The following ZBTB20 variants were observed in gnomAD, a reference collection of about 807,000 sequenced individuals.
ZBTB20 encodes zinc finger and BTB domain containing 20, also known as zinc finger and BTB domain-containing protein 20.
A neutral mutation model predicts 56.9 loss-of-function variants in ZBTB20; 9 were observed. That is an observed-to-expected ratio of 0.16 (90% CI 0.10 to 0.28). The LOEUF (loss-of-function observed/expected upper bound fraction) is 0.28. Ranked by LOEUF, ZBTB20 falls within the 10% of genes least tolerant of loss-of-function variation. ZBTB20 has a pLI of 1.00. For missense variants in ZBTB20, 655 were observed against 1,003.0 expected (o/e 0.65, Z 4.69); for synonymous variants, 417 against 420.7 (o/e 0.99, Z 0.11).
At chr3:114,460,346 T>TCAA (rs2092274624) in intron 7 of ZBTB20, among the ~76,000 whole-genome samples, 1 of 152,090 alleles carries the variant, frequency 6.6e-6, no homozygotes, top group African/African-American at 2.4e-5. Context: ...AATGTTACCT[T>TCAA]ACGTGGCAAA....
Position 114,339,507 on chromosome 3 carries a change from A to T in ZBTB20, c.1805-81T>A. 1 of 1,424,374 alleles carries T rather than the reference A, an allele frequency of 7.0e-7. No homozygotes were observed. Among genetic ancestry groups the T allele is most frequent in the Non-Finnish European group, 9.4e-7 (1 of 1,062,732 alleles). 88.2% of individuals were successfully genotyped at this position (1,424,374 alleles called of 1,614,324 possible). A position where few individuals can be genotyped will look rare whatever the true frequency, so the allele number is the denominator to read the frequency against. ...GAGAATGAAGGACAGGAAAAACAAGACAACAAAAAAGAAAAATAAAACAAT... is the reference window on the plus strand; with the variant it reads ...GAGAATGAAGGACAGGAAAAACAAGTCAACAAAAAAGAAAAATAAAACAAT... On this transcript the variant is annotated intron_variant, in intron 11 of 11. Coordinates refer to ENST00000675478, the MANE Select transcript of ZBTB20 (RefSeq NM_001348800.3). This position sits in a 1 kb window ranked among gnomAD's most constrained non-coding sequence, Gnocchi z 4.2.
At chr3:114,411,708 G>T (rs2087971809) in intron 7 of ZBTB20, among the ~76,000 whole-genome samples, 1 of 152,024 alleles carries the variant, frequency 6.6e-6, no homozygotes, top group Admixed American at 6.6e-5. Context: ...GATCATTCAG[G>T]GATTCTTCCC....
At chr3:114,795,629 G>A (rs887593308) in intron 5 of ZBTB20, among the ~76,000 whole-genome samples, 1 of 152,026 alleles carries the variant, frequency 6.6e-6, no homozygotes, top group African/African-American at 2.4e-5. Flanking sequence ...CACTCTCTCT[G>A]AGAATTCTGT....
intron 7 of ZBTB20, among the ~76,000 whole-genome samples, chr3:114,493,873 C>T (rs2043004520): frequency 1.3e-5 from 2 of 152,166 alleles, no homozygotes; most frequent in Non-Finnish European, 2.9e-5. Context: ...AGGAGAGAGA[C>T]TATGTTAATA....
intron 6 of ZBTB20, among the ~76,000 whole-genome samples, chr3:114,596,508 G>C (rs2056328112): frequency 6.6e-6 from 1 of 152,170 alleles, no homozygotes. Flanking sequence ...GTTGTGAAAG[G>C]ATTTGACATG....
chr3:114,584,899 A>G (rs1417604277), intron 6 of ZBTB20, among the ~76,000 whole-genome samples: 1 of 152,150 alleles, frequency 6.6e-6, no homozygotes, highest in Non-Finnish European at 1.5e-5. Context: ...GAAAGAATAC[A>G]AGGCAGCTGA....
intron 1 of ZBTB20, among the ~76,000 whole-genome samples, chr3:115,106,433 C>A (rs1450288277): frequency 6.6e-6 from 1 of 151,498 alleles, no homozygotes; most frequent in Non-Finnish European, 1.5e-5. Flanking sequence ...CGGGGTTTCA[C>A]CATGTTAGCC....
At chr3:114,553,108 G>A (rs2050779062) in intron 6 of ZBTB20, among the ~76,000 whole-genome samples, 1 of 151,964 alleles carries the variant, frequency 6.6e-6, no homozygotes, top group African/African-American at 2.4e-5. Context: ...TGTTTAACTG[G>A]GCTTTTAGAT....
chr3:114,537,037 T>C (rs745542567), intron 6 of ZBTB20, among the ~76,000 whole-genome samples: 11 of 152,090 alleles, frequency 7.2e-5, no homozygotes, highest in Admixed American at 4.6e-4. Flanking sequence ...ATAAAAACCC[T>C]AGAAGAAAAC....
chr3:114,618,001 A>G (rs2058051761), intron 6 of ZBTB20, among the ~76,000 whole-genome samples: 1 of 151,674 alleles, frequency 6.6e-6, no homozygotes. Context: ...AAAATGCCAC[A>G]TATTTTACAT....
At chr3:114,401,727 C>G (rs548923882) in intron 7 of ZBTB20, among the ~76,000 whole-genome samples, 1 of 152,170 alleles carries the variant, frequency 6.6e-6, no homozygotes, top group South Asian at 2.1e-4. Context: ...CCCCACTCAG[C>G]TACCCATTAA....
intron 4 of ZBTB20, among the ~76,000 whole-genome samples, chr3:114,840,259 C>T (rs1031425587): frequency 6.6e-6 from 1 of 152,184 alleles, no homozygotes; most frequent in African/African-American, 2.4e-5. Flanking sequence ...ACTCAATTAA[C>T]CTGTTAATGA....
chr3:114,877,625 A>G (rs1230924499), intron 4 of ZBTB20, among the ~76,000 whole-genome samples: 1 of 152,200 alleles, frequency 6.6e-6, no homozygotes, highest in African/African-American at 2.4e-5. Context: ...ATATGTAAAT[A>G]TTTTTAAAAC....
intron 6 of ZBTB20, among the ~76,000 whole-genome samples, chr3:114,523,887 T>C (rs1461864494): frequency 6.6e-6 from 1 of 152,180 alleles, no homozygotes; most frequent in African/African-American, 2.4e-5. Flanking sequence ...ACATATTATA[T>C]TTGCTGGGCA....
chr3:115,060,659 AAAG>A (rs2081980384), intron 2 of ZBTB20, among the ~76,000 whole-genome samples: 1 of 152,172 alleles, frequency 6.6e-6, no homozygotes, highest in African/African-American at 2.4e-5. Context: ...TTGCCTCAGA[AAAG>A]AAAATTAAAC....
chr3:114,984,273 T>C (rs1345334598), intron 2 of ZBTB20, among the ~76,000 whole-genome samples: 1 of 152,076 alleles, frequency 6.6e-6, no homozygotes, highest in African/African-American at 2.4e-5. Flanking sequence ...ATTTTTATTA[T>C]ACTTTAAGTT....
intron 6 of ZBTB20, chr3:114,502,972 C>T (rs1383328004): frequency 6.6e-6 from 1 of 152,148 alleles, no homozygotes; most frequent in Non-Finnish European, 1.5e-5. Context: ...ATATTATGCT[C>T]TTCTAAAATT....
intron 2 of ZBTB20, among the ~76,000 whole-genome samples, chr3:115,007,324 A>G (rs1035435921): frequency 3.3e-5 from 5 of 151,714 alleles, no homozygotes; most frequent in Non-Finnish European, 7.4e-5. Flanking sequence ...TTGAATAAGG[A>G]GGAAATACCA....
intron 6 of ZBTB20, among the ~76,000 whole-genome samples, chr3:114,628,346 A>G (rs1305310138): frequency 6.6e-6 from 1 of 152,184 alleles, no homozygotes; most frequent in Non-Finnish European, 1.5e-5. Flanking sequence ...CCCATGTAGA[A>G]TATTTAGTGT....
Sources: gnomAD v4.1 joint callset for allele counts (sites outside exome capture counted in the v4.1 genomes callset) on GRCh38, gnomAD v4.1.1 for gene constraint, Gnocchi (gnomAD v3.1) non-coding constraint, MANE v1.5 for transcripts, NCBI Gene and HGNC (gene_info 2026-07-23, HGNC 2026-07-21) for gene names.